Variants in SIAH3 observed in about 807,000 individuals in gnomAD.
SIAH3 encodes siah E3 ubiquitin protein ligase family member 3.
SIAH3 carries 9 observed loss-of-function variants against 12.6 expected under a neutral mutation model. The ratio of observed to expected loss-of-function variants is 0.72; its 90% confidence interval spans 0.43 to 1.25. SIAH3 has a LOEUF of 1.25. SIAH3 is among the 50% of genes most tolerant of loss of function. The pLI is 0.00. For synonymous variants in SIAH3, 154 were observed against 151.1 expected, an observed-to-expected ratio of 1.02 and a Z score of -0.14; for missense variants, 390 against 365.4, an observed-to-expected ratio of 1.07 and a Z score of -0.55.
intron 1 of SIAH3, among the ~76,000 whole-genome samples, chr13:45,819,871 G>C (rs1418663068): frequency 6.6e-6 from 1 of 152,176 alleles, no homozygotes; most frequent in Non-Finnish European, 1.5e-5. Context: ...CAGAGGCTGG[G>C]TCACTTATAA....
intron 1 of SIAH3, among the ~76,000 whole-genome samples, chr13:45,824,750 A>C (rs1336115235): frequency 6.6e-6 from 1 of 152,130 alleles, no homozygotes; most frequent in African/African-American, 2.4e-5. Context: ...TCCAGGTTTA[A>C]ATCTCTATCA....
chr13:45,783,277 A>AG lies in SIAH3; in HGVS notation c.*105_*106insC. The AG allele has an allele frequency of 2.5e-6, 2 of 797,058 alleles. No homozygotes were observed. The highest frequency in any genetic ancestry group is 1.8e-5 in the African/African-American group (1 of 55,796). 49.4% of individuals were successfully genotyped at this position (797,058 alleles called of 1,614,324 possible). ...ATAATAATAATTAAAAATTAAAAAAAAAAAAAAGAAAGGAGAAGAATAAAA... is the reference window on the plus strand; with the variant it reads ...ATAATAATAATTAAAAATTAAAAAAAGAAAAAAAGAAAGGAGAAGAATAAAA... On this transcript the variant is annotated 3_prime_UTR_variant, in exon 2 of 2. Transcript: ENST00000400405.
At chr13:45,838,300 G>A (rs139681221) in intron 1 of SIAH3, among the ~76,000 whole-genome samples, 1 of 152,238 alleles carries the variant, frequency 6.6e-6, no homozygotes, top group African/African-American at 2.4e-5. Flanking sequence ...CTGGGAGCTC[G>A]CCTTTCTGTT....
At chr13:45,819,084 T>C (rs1282664138) in intron 1 of SIAH3, among the ~76,000 whole-genome samples, 1 of 152,124 alleles carries the variant, frequency 6.6e-6, no homozygotes, top group Non-Finnish European at 1.5e-5. Context: ...CTGGCTGCAG[T>C]GTGCTTGTGA....
At chr13:45,834,385 C>T (rs1330629977) in intron 1 of SIAH3, among the ~76,000 whole-genome samples, 2 of 152,318 alleles carry the variant, frequency 1.3e-5, no homozygotes, top group Non-Finnish European at 2.9e-5. Flanking sequence ...TTACTGACAT[C>T]GATGGGCTCC....
Position 45,780,380 on chromosome 13 carries a change from C to G in SIAH3, c.*3003G>C, listed in dbSNP as rs960236354. On this transcript the variant is annotated 3_prime_UTR_variant, in exon 2 of 2. Coordinates refer to ENST00000400405, the MANE Select transcript of SIAH3 (RefSeq NM_198849.3). ...TCAACCTCCTGGGCTCAAGCCATCC[C>G]CCTGTCTTGGCCTCCGAGTAGTTAA... 3 of 152,230 alleles carry G rather than the reference C, an allele frequency of 2.0e-5. No homozygotes were observed. The highest frequency in any genetic ancestry group is 7.2e-5 in the African/African-American group (3 of 41,418). The allele number at this position is 152,230 out of a possible 1,614,324, so 9.4% of individuals were successfully genotyped here. A position where few individuals can be genotyped will look rare whatever the true frequency, so the allele number is the denominator to read the frequency against.
chr13:45,785,253 G>A (rs1048782438), intron 1 of SIAH3, among the ~76,000 whole-genome samples: 12 of 152,172 alleles, frequency 7.9e-5, no homozygotes, highest in African/African-American at 2.7e-4. Flanking sequence ...TCTGCAGTGC[G>A]CTCCAGGCAT....
intron 1 of SIAH3, among the ~76,000 whole-genome samples, chr13:45,840,865 G>A (rs571007668): frequency 1.3e-5 from 2 of 152,190 alleles, no homozygotes; most frequent in African/African-American, 4.8e-5. Context: ...TTTAAAAAAG[G>A]TTCTGCCACA....
intron 1 of SIAH3, among the ~76,000 whole-genome samples, chr13:45,827,467 T>A (rs182820911): frequency 6.6e-6 from 1 of 152,202 alleles, no homozygotes; most frequent in Non-Finnish European, 1.5e-5. Context: ...ATTCTGCTAT[T>A]TATAACTGAT....
intron 1 of SIAH3, among the ~76,000 whole-genome samples, chr13:45,797,522 T>G (rs1016671592): frequency 1.3e-5 from 2 of 150,044 alleles, no homozygotes; most frequent in Admixed American, 6.6e-5. Context: ...CAACTTCCCT[T>G]GCAGCTACCC....
chr13:45,814,319 G>A (rs1950626890), intron 1 of SIAH3, among the ~76,000 whole-genome samples: 1 of 151,746 alleles, frequency 6.6e-6, no homozygotes, highest in African/African-American at 2.4e-5. Context: ...ATAGTCCCCA[G>A]GGAGCCGACA....
intron 1 of SIAH3, among the ~76,000 whole-genome samples, chr13:45,823,549 A>G (rs1177251840): frequency 6.6e-6 from 1 of 152,212 alleles, no homozygotes; most frequent in East Asian, 1.9e-4. Flanking sequence ...TTTCAGCTTT[A>G]AAACTCTCCA....
Position 45,782,042 on chromosome 13 carries a change from G to A in SIAH3, c.*1341C>T, listed in dbSNP as rs1950506526. The stretch of plus-strand genomic sequence containing the variant: ...ATGCGATAAAAAGGAGCTAGAAGAG[G>A]TCCTACTGGGAAGGCTTATAGGTGT... On this transcript the variant is annotated 3_prime_UTR_variant, in exon 2 of 2. Transcript: ENST00000400405. 1 of 152,210 alleles carries A rather than the reference G, an allele frequency of 6.6e-6. No individual in the cohort carries two copies. Among genetic ancestry groups the A allele is most frequent in the Non-Finnish European group, 1.5e-5 (1 of 68,074 alleles). The allele number at this position is 152,210 out of a possible 1,614,324, so 9.4% of individuals were successfully genotyped here. A position where few individuals can be genotyped will look rare whatever the true frequency, so the allele number is the denominator to read the frequency against.
At chr13:45,794,368 G>C (rs1325652) in intron 1 of SIAH3, among the ~76,000 whole-genome samples, 1 of 152,046 alleles carries the variant, frequency 6.6e-6, no homozygotes, top group Non-Finnish European at 1.5e-5. Flanking sequence ...TACAAAGGAC[G>C]TTGTATAGTG....
intron 1 of SIAH3, among the ~76,000 whole-genome samples, chr13:45,821,832 C>A (rs1451703356): frequency 6.6e-6 from 1 of 152,144 alleles, no homozygotes; most frequent in Non-Finnish European, 1.5e-5. Flanking sequence ...GAAGAGAGAA[C>A]AAGAACAAAT....
chr13:45,784,928 C>T (rs774406595), intron 1 of SIAH3, among the ~76,000 whole-genome samples: 3 of 152,234 alleles, frequency 2.0e-5, no homozygotes, highest in Admixed American at 6.5e-5. Flanking sequence ...ACAATAGATA[C>T]TGTGTCTTTT....
intron 1 of SIAH3, among the ~76,000 whole-genome samples, chr13:45,822,695 A>C (rs1950660575): frequency 7.2e-5 from 11 of 151,804 alleles, no homozygotes; most frequent in Admixed American, 6.6e-4. Flanking sequence ...GAAAAATGTT[A>C]CTTGTAAAGG....
Position 45,780,475 on chromosome 13 carries a change from C to T in SIAH3, c.*2908G>A, listed in dbSNP as rs1469833586. 1 of 152,242 alleles carries T rather than the reference C, an allele frequency of 6.6e-6. No individual in the cohort carries two copies. The highest frequency in any genetic ancestry group is 1.5e-5 in the Non-Finnish European group (1 of 68,220). The allele number at this position is 152,242 out of a possible 1,614,324, so 9.4% of individuals were successfully genotyped here. A position where few individuals can be genotyped will look rare whatever the true frequency, so the allele number is the denominator to read the frequency against. ...TAGAAATGAAGTCTCGCTATATTGCCCAGGCTGGTCTCAAACTCCTGAGCT... is the reference window on the plus strand; with the variant it reads ...TAGAAATGAAGTCTCGCTATATTGCTCAGGCTGGTCTCAAACTCCTGAGCT... On this transcript the variant is annotated 3_prime_UTR_variant, in exon 2 of 2. Transcript: ENST00000400405.
chr13:45,838,793 G>T (rs1002983027), intron 1 of SIAH3, among the ~76,000 whole-genome samples: 1 of 151,888 alleles, frequency 6.6e-6, no homozygotes, highest in African/African-American at 2.4e-5. Context: ...TCCTGCTTGA[G>T]TGTTTTTCTC....
Sources: gnomAD v4.1 joint callset for allele counts (sites outside exome capture counted in the v4.1 genomes callset) on GRCh38, gnomAD v4.1.1 for gene constraint, MANE v1.5 for transcripts, NCBI Gene and HGNC (gene_info 2026-07-23, HGNC 2026-07-21) for gene names.